Variants in NAV3 observed in about 807,000 individuals in gnomAD.
The protein encoded by NAV3 is pore membrane and/or filament interacting like protein 1.
NAV3 carries 87 observed loss-of-function variants against 244.7 expected under a neutral mutation model. The observed-to-expected ratio is 0.36, with a 90% confidence interval of 0.30 to 0.42. NAV3 has a LOEUF of 0.42. Among genes scored for constraint, NAV3 ranks in the 20% least tolerant of loss-of-function variants. The pLI is 1.00. For synonymous variants in NAV3, 1,126 were observed against 1,042.2 expected (o/e 1.08, Z -1.55); for missense variants, 2,663 against 2,893.3 (o/e 0.92, Z 1.83).
At chr12:77,822,961 A>G (rs1337410527) in intron 2 of NAV3, among the ~76,000 whole-genome samples, 2 of 152,234 alleles carry the variant, frequency 1.3e-5, no homozygotes, top group African/African-American at 2.4e-5. Context: ...AACAGGGATC[A>G]TATTTACTTC....
chr12:77,627,379 A>G (rs1440496596), intron 2 of NAV3, among the ~76,000 whole-genome samples: 1 of 152,162 alleles, frequency 6.6e-6, no homozygotes, highest in Admixed American at 6.5e-5. Flanking sequence ...ACTACTAGCT[A>G]GACTAACCAT....
chr12:77,970,374 T>A (rs1892897195), intron 5 of NAV3, among the ~76,000 whole-genome samples: 1 of 152,182 alleles, frequency 6.6e-6, no homozygotes, highest in South Asian at 2.1e-4. Flanking sequence ...GTTGTTCAAC[T>A]GTTCAGAAAT....
rs780742325 is a variant in NAV3, at chr12:78,188,331, A to G, written c.5874A>G (p.Arg1958=). 4 of 1,610,376 alleles carry G rather than the reference A, an allele frequency of 2.5e-6. No homozygotes were observed. In the Admixed American group the frequency reaches 5.0e-5, roughly 20 times the overall value. Residue 1958 remains arginine (R), a synonymous_variant, in exon 32 of 40, where the codon AGA becomes AGG. Transcript: ENST00000397909. ...TKWDVLDGVI[R]RLFKEYVFRI... The stretch of plus-strand genomic sequence containing the variant: ...GGGATGTCTTAGATGGTGTAATAAG[A>G]CGTCTCTTTAAGGTATGTTGTGCAA...
At chr12:77,742,849 C>T (rs11106504) in intron 2 of NAV3, among the ~76,000 whole-genome samples, 2 of 152,044 alleles carry the variant, frequency 1.3e-5, no homozygotes, top group East Asian at 3.9e-4. Context: ...CTGAGCCATT[C>T]ATCTCTCCAG....
chr12:77,823,174 T>C (rs1188095254), intron 2 of NAV3, among the ~76,000 whole-genome samples: 1 of 152,136 alleles, frequency 6.6e-6, no homozygotes, highest in African/African-American at 2.4e-5. Flanking sequence ...GAAGTTTTGC[T>C]GACCCTTAGA....
At chr12:77,987,537 C>T (rs1351096719) in intron 5 of NAV3, among the ~76,000 whole-genome samples, 1 of 152,006 alleles carries the variant, frequency 6.6e-6, no homozygotes, top group East Asian at 1.9e-4. Context: ...GAACAATTTC[C>T]CTTGTTTAGA....
At chr12:77,989,372 A>G (rs1871078928) in intron 5 of NAV3, among the ~76,000 whole-genome samples, 2 of 152,200 alleles carry the variant, frequency 1.3e-5, no homozygotes, top group Non-Finnish European at 1.5e-5. Flanking sequence ...TTTGCATGGT[A>G]TTTCATAAAC....
intron 3 of NAV3, among the ~76,000 whole-genome samples, chr12:77,957,607 TGC>T (rs1891485103): frequency 6.6e-6 from 1 of 152,202 alleles, no homozygotes; most frequent in African/African-American, 2.4e-5. Context: ...TAAAGAGCTA[TGC>T]TAATTAAAAG....
intron 9 of NAV3, among the ~76,000 whole-genome samples, chr12:78,047,283 C>T (rs1046375559): frequency 1.3e-5 from 2 of 151,984 alleles, no homozygotes; most frequent in East Asian, 1.9e-4. Context: ...GTCAGGAGAT[C>T]GAGACCATCC....
At position 78,211,686 on chromosome 12, in the gene NAV3, A is replaced by T. The variant is rs954599628; in HGVS notation, c.*1169A>T. On this transcript the variant is annotated 3_prime_UTR_variant, in exon 40 of 40. Transcript: ENST00000397909. ...TTGAATTATTATCCAGCAGGGCTGGAAGCACTAGATGCAGCATGAGCACAA... is the reference window on the plus strand; with the variant it reads ...TTGAATTATTATCCAGCAGGGCTGGTAGCACTAGATGCAGCATGAGCACAA... 2 of 152,542 alleles carry T rather than the reference A, an allele frequency of 1.3e-5. No individual in the cohort carries two copies. Among genetic ancestry groups the T allele is most frequent in the Non-Finnish European group, 2.9e-5 (2 of 68,040 alleles). 9.4% of individuals were successfully genotyped at this position (152,542 alleles called of 1,614,324 possible).
intron 18 of NAV3, among the ~76,000 whole-genome samples, chr12:78,134,090 T>C (rs1956276152): frequency 6.6e-6 from 1 of 152,216 alleles, no homozygotes; most frequent in Non-Finnish European, 1.5e-5. Context: ...TCTAATATTC[T>C]CTAAATTCGA....
At chr12:77,658,861 G>A (rs981344297) in intron 2 of NAV3, among the ~76,000 whole-genome samples, 1 of 152,138 alleles carries the variant, frequency 6.6e-6, no homozygotes, top group Non-Finnish European at 1.5e-5. Flanking sequence ...AATGGGGAAA[G>A]GATTCCCTAT....
intron 1 of NAV3, among the ~76,000 whole-genome samples, chr12:77,875,595 A>C (rs1347149296): frequency 1.3e-5 from 2 of 152,092 alleles, no homozygotes; most frequent in Non-Finnish European, 2.9e-5. Context: ...GAATGTATGA[A>C]TACATTGAGT....
Position 78,027,302 on chromosome 12 carries a change from T to A in NAV3, c.2023+5440T>A, listed in dbSNP as rs12315293. Among the ~76,000 whole-genome samples, 739 of 151,816 alleles carry A rather than the reference T, an allele frequency of 4.9e-3. 3 individuals are homozygous for A. The highest frequency in any genetic ancestry group is 0.017 in the African/African-American group (686 of 41,392). On this transcript the variant is annotated intron_variant, in intron 9 of 39. Transcript: ENST00000397909. ...AAAAAAAATTCAAATTGTTCAGGCA[T>A]GGTGCTGTGTAGCACATGTGTAGTC...
intron 21 of NAV3, among the ~76,000 whole-genome samples, chr12:78,148,273 G>A (rs1447739419): frequency 6.6e-6 from 1 of 152,002 alleles, no homozygotes; most frequent in African/African-American, 2.4e-5. Context: ...TGCAGTCATT[G>A]AAACTCCAGC....
chr12:77,697,108 T>C (rs1451085788), intron 2 of NAV3, among the ~76,000 whole-genome samples: 4 of 152,180 alleles, frequency 2.6e-5, no homozygotes, highest in Non-Finnish European at 5.9e-5. Flanking sequence ...CCTGTGTAAA[T>C]TCTCCTGGAC....
At chr12:78,134,904 A>C (rs1362754832) in intron 18 of NAV3, among the ~76,000 whole-genome samples, 2 of 152,224 alleles carry the variant, frequency 1.3e-5, no homozygotes, top group African/African-American at 4.8e-5. Flanking sequence ...ATGCAATTTA[A>C]GACAAAGTTG....
intron 2 of NAV3, among the ~76,000 whole-genome samples, chr12:77,712,864 G>A (rs564510083): frequency 6.6e-6 from 1 of 152,300 alleles, no homozygotes; most frequent in African/African-American, 2.4e-5. Context: ...GATCACTTAA[G>A]ATTACATATG....
At chr12:77,661,361 A>G (rs1219839744) in intron 2 of NAV3, among the ~76,000 whole-genome samples, 2 of 152,040 alleles carry the variant, frequency 1.3e-5, no homozygotes, top group Non-Finnish European at 2.9e-5. Context: ...TGCACTAGTC[A>G]TTTATATACT....
Sources: gnomAD v4.1 joint callset for allele counts (sites outside exome capture counted in the v4.1 genomes callset) on GRCh38, gnomAD v4.1.1 for gene constraint, MANE v1.5 for transcripts, NCBI Gene and HGNC (gene_info 2026-07-23, HGNC 2026-07-21) for gene names.